Variants in TTLL9 observed in about 807,000 individuals in gnomAD.
The protein encoded by TTLL9 is tubulin tyrosine ligase like 9.
A neutral mutation model predicts 65.6 loss-of-function variants in TTLL9; 47 were observed. The observed-to-expected ratio is 0.72, with a 90% confidence interval of 0.57 to 0.91. The LOEUF is 0.91. Ranked by LOEUF, TTLL9 falls within the 40% of genes least tolerant of loss-of-function variation. The pLI is 0.00. For synonymous variants in TTLL9, 179 were observed against 204.8 expected (o/e 0.87, Z 1.07); for missense variants, 537 against 568.8 (o/e 0.94, Z 0.57).
intron 11 of TTLL9, chr20:31,934,451 G>A: frequency 1.5e-6 from 1 of 658,434 alleles, no homozygotes; most frequent in Non-Finnish European, 2.8e-6. Flanking sequence ...CAGAAAAGGG[G>A]CCTACGCAGG....
chr20:31,873,684 G>GAGAGAGAAAGAA (rs1364633891), intron 2 of TTLL9, among the ~76,000 whole-genome samples: 1 of 100,512 alleles, frequency 9.9e-6, no homozygotes, highest in African/African-American at 4.0e-5. Context: ...AAGAGAGAGA[G>GAGAGAGAAAGAA]AGAAAGAAAG....
intron 12 of TTLL9, among the ~76,000 whole-genome samples, chr20:31,936,472 T>TAAAAAAAAAAAA (rs879370062): frequency 7.0e-6 from 1 of 143,316 alleles, no homozygotes. Context: ...TCTGACTCTT[T>TAAAAAAAAAAAA]AAAAAAAAAA....
At chr20:31,900,702 C>T (rs2123472138) in intron 4 of TTLL9, among the ~76,000 whole-genome samples, 1 of 152,176 alleles carries the variant, frequency 6.6e-6, no homozygotes, top group Non-Finnish European at 1.5e-5. Context: ...GGTTTCCTTC[C>T]CTGGATCCAG....
chr20:31,879,962 G>T, intron 2 of TTLL9: 1 of 1,240,996 alleles, frequency 8.1e-7, no homozygotes. Flanking sequence ...GCAGCAGAGG[G>T]ATTCAAAATC....
chr20:31,887,020 A>C (rs2063199646), intron 2 of TTLL9, among the ~76,000 whole-genome samples, 176 bp from the exon 3 acceptor site: 1 of 152,144 alleles, frequency 6.6e-6, no homozygotes, highest in Admixed American at 6.5e-5. Flanking sequence ...ATTCTGGTCC[A>C]TTTGCTGGGG....
At chr20:31,890,021 TC>T (rs2063270389) in intron 3 of TTLL9, among the ~76,000 whole-genome samples, 2 of 142,090 alleles carry the variant, frequency 1.4e-5, no homozygotes, top group South Asian at 2.1e-4. Flanking sequence ...TTTCTTTCTT[TC>T]TTTCTTTCTT....
chr20:31,922,264 CAA>C (rs35848180), intron 7 of TTLL9, among the ~76,000 whole-genome samples: 3 of 132,268 alleles, frequency 2.3e-5, no homozygotes, highest in Admixed American at 1.5e-4. Context: ...GACTCATTCT[CAA>C]AAAAAAAAAA....
intron 3 of TTLL9, among the ~76,000 whole-genome samples, chr20:31,889,966 ATC>A (rs200063582): frequency 8.6e-5 from 12 of 140,320 alleles, no homozygotes; most frequent in East Asian, 4.2e-4. Context: ...ATCAAGCCAC[ATC>A]TCTCTCTTTC....
At chr20:31,926,229 A>G (rs2063904938) in intron 10 of TTLL9, 138 bp downstream of exon 10, 2 of 665,970 alleles carry the variant, frequency 3.0e-6, no homozygotes, top group South Asian at 3.5e-5. Flanking sequence ...TATGCCTAAC[A>G]TTCACATTTA....
intron 6 of TTLL9, among the ~76,000 whole-genome samples, chr20:31,912,609 G>A (rs774147532): frequency 1.2e-4 from 7 of 59,680 alleles, no homozygotes; most frequent in African/African-American, 6.2e-4. Flanking sequence ...GTGTATGTGT[G>A]TGTGTGTGTG....
chr20:31,930,121 C>CT (rs1343512584), intron 10 of TTLL9, among the ~76,000 whole-genome samples: 8 of 152,086 alleles, frequency 5.3e-5, no homozygotes, highest in Non-Finnish European at 1.0e-4. Flanking sequence ...GAGCAAGACT[C>CT]TATCTTAAAA....
intron 4 of TTLL9, among the ~76,000 whole-genome samples, chr20:31,902,757 T>C (rs2063496630): frequency 6.6e-6 from 1 of 152,228 alleles, no homozygotes; most frequent in East Asian, 1.9e-4. Context: ...TTTAAGGAAC[T>C]GCTAGACTTT....
intron 2 of TTLL9, among the ~76,000 whole-genome samples, chr20:31,875,722 A>C (rs914953145): frequency 1.3e-5 from 2 of 152,232 alleles, no homozygotes; most frequent in Non-Finnish European, 2.9e-5. Context: ...ATTGGGGAAA[A>C]AAATCTTAAA....
intron 2 of TTLL9, chr20:31,879,762 C>T (rs1045204203): frequency 2.0e-6 from 3 of 1,513,036 alleles, no homozygotes; most frequent in Non-Finnish European, 2.7e-6. Flanking sequence ...CGAGAGCATG[C>T]CCTTGGCTCA....
intron 2 of TTLL9, 85 bp from the exon 3 acceptor site, chr20:31,887,111 C>G: frequency 1.4e-6 from 2 of 1,401,962 alleles, no homozygotes; most frequent in Non-Finnish European, 2.0e-6. Context: ...ACGGTTTGGG[C>G]ATTTTAATAT....
rs1190271789 is a variant in TTLL9 at position 31,944,003 on chromosome 20, A to G, written c.*982A>G. On this transcript the variant is annotated 3_prime_UTR_variant, in exon 15 of 15. Transcript: ENST00000535842. Reference sequence around the variant, plus strand: ...CTTCAGAGTAGTTTCTCTGGCTGCAAATGGTTGAATCTGCCTGCCTAGGTC... The same window carrying G: ...CTTCAGAGTAGTTTCTCTGGCTGCAGATGGTTGAATCTGCCTGCCTAGGTC... The G allele has an allele frequency of 8.5e-6, 3 of 351,442 alleles. No individual in the cohort carries two copies. Among genetic ancestry groups the G allele is most frequent in the African/African-American group, 6.4e-5 (3 of 46,772 alleles). The allele number at this position is 351,442 out of a possible 1,614,324, so 21.8% of individuals were successfully genotyped here. A position where few individuals can be genotyped will look rare whatever the true frequency, so the allele number is the denominator to read the frequency against.
At chr20:31,894,518 T>A (rs2063355099) in intron 3 of TTLL9, among the ~76,000 whole-genome samples, 1 of 152,174 alleles carries the variant, frequency 6.6e-6, no homozygotes, top group Non-Finnish European at 1.5e-5. Flanking sequence ...CTGGGTCATT[T>A]ATGGGTTTAT....
intron 3 of TTLL9, 56 bp from the exon 4 acceptor site, chr20:31,898,417 C>T (rs1335570403): frequency 1.2e-5 from 18 of 1,511,192 alleles, no homozygotes; most frequent in Admixed American, 3.4e-5. Flanking sequence ...CCTCTCCTTG[C>T]GCCATCCTAG....
chr20:31,891,947 C>T (rs1317489334), intron 3 of TTLL9, among the ~76,000 whole-genome samples: 2 of 151,966 alleles, frequency 1.3e-5, no homozygotes, highest in African/African-American at 2.4e-5. Flanking sequence ...GGATTACAGG[C>T]ATGCACCACC....
Sources: gnomAD v4.1 joint callset for allele counts (sites outside exome capture counted in the v4.1 genomes callset) on GRCh38, gnomAD v4.1.1 for gene constraint, MANE v1.5 for transcripts, NCBI Gene and HGNC (gene_info 2026-07-23, HGNC 2026-07-21) for gene names.